Variants in PCYOX1L observed in about 807,000 individuals in gnomAD.
PCYOX1L encodes prenylcysteine oxidase 1 like.
In PCYOX1L, 40 loss-of-function variants were observed where a neutral mutation model predicts 44.1. That is an observed-to-expected ratio of 0.91 (90% CI 0.70 to 1.18). The LOEUF is 1.18. Ranked by LOEUF, PCYOX1L falls within the 50% of genes most tolerant of loss-of-function variation. PCYOX1L has a pLI of 0.00. For synonymous variants in PCYOX1L, 266 were observed against 282.8 expected (o/e 0.94, Z 0.60); for missense variants, 605 against 653.3 (o/e 0.93, Z 0.81).
Position 149,368,639 on chromosome 5 carries a change from C to T in PCYOX1L, c.1470C>T (p.Val490=), listed in dbSNP as rs768104531. ...ATCAAAAAGATTTGATGCACAAGGT[C>T]AAGACTGAACTGTGAGGGCTCTAGG... The part of the protein sequence containing the change: ...KIDQKDLMHK[V]KTEL Residue 490 remains valine (V), a synonymous_variant, in exon 6 of 6, where the codon GTC becomes GTT. Transcript: ENST00000274569. 2 of 1,515,300 alleles carry T rather than the reference C, an allele frequency of 1.3e-6. No homozygotes were observed. The highest frequency in any genetic ancestry group is 2.8e-5 in the African/African-American group (2 of 71,978). The allele number at this position is 1,515,300 out of a possible 1,614,324, so 93.9% of individuals were successfully genotyped here. A position where few individuals can be genotyped will look rare whatever the true frequency, so the allele number is the denominator to read the frequency against.
Position 149,362,668 on chromosome 5 carries a change from T to C in PCYOX1L, c.120T>C (p.Ala40=), listed in dbSNP as rs1466541590. The C allele has an allele frequency of 6.2e-7, 1 of 1,614,244 alleles. No homozygotes were observed. Among genetic ancestry groups the C allele is most frequent in the Non-Finnish European group, 8.5e-7 (1 of 1,180,050 alleles). Residue 40 remains alanine (A), a synonymous_variant, in exon 2 of 6, where the codon GCT becomes GCC. Coordinates refer to ENST00000274569, the MANE Select transcript of PCYOX1L (RefSeq NM_024028.4). ...AVVGAGIGGS[A]VAHFLQQHFG... is the part of the protein sequence containing the mutation. ...TTGGGGCTGGGATTGGGGGCTCTGCTGTGGCCCATTTTCTCCAGCAGCACT... is the reference window on the plus strand; with the variant it reads ...TTGGGGCTGGGATTGGGGGCTCTGCCGTGGCCCATTTTCTCCAGCAGCACT...
chr5:149,358,661 T>C (rs1757922396), intron 1 of PCYOX1L, among the ~76,000 whole-genome samples: 1 of 152,154 alleles, frequency 6.6e-6, no homozygotes, highest in Non-Finnish European at 1.5e-5. Flanking sequence ...GAGGGCTTCC[T>C]GGAAGTAACA....
chr5:149,367,547 TG>T (rs1222517044), intron 5 of PCYOX1L, 47 bp downstream of exon 5: 4 of 1,602,736 alleles, frequency 2.5e-6, no homozygotes, highest in Non-Finnish European at 3.4e-6. Context: ...TCCCAGCCAG[TG>T]GACAGACACT....
At position 149,369,405 on chromosome 5, in the gene PCYOX1L, T is replaced by C. The variant is rs1758347264; in HGVS notation, c.*751T>C. 1 of 152,124 alleles carries C rather than the reference T, an allele frequency of 6.6e-6. No homozygotes were observed. The highest frequency in any genetic ancestry group is 1.5e-5 in the Non-Finnish European group (1 of 68,014). 9.4% of individuals were successfully genotyped at this position (152,124 alleles called of 1,614,324 possible). A position where few individuals can be genotyped will look rare whatever the true frequency, so the allele number is the denominator to read the frequency against. On this transcript the variant is annotated 3_prime_UTR_variant, in exon 6 of 6. Coordinates refer to ENST00000274569, the MANE Select transcript of PCYOX1L (RefSeq NM_024028.4). Reference sequence around the variant, plus strand: ...AGCCATTCTCTTCCTTATGCAAAGATTGAGGAATGCAACAATATAAAGAAG... The same window carrying C: ...AGCCATTCTCTTCCTTATGCAAAGACTGAGGAATGCAACAATATAAAGAAG...
At chr5:149,367,275 G>GCCCAGTCGAATAGTACTGGACT in intron 4 of PCYOX1L, 85 bp from the exon 5 acceptor site, 1 of 1,472,626 alleles carries the variant, frequency 6.8e-7, no homozygotes, top group South Asian at 1.4e-5. Context: ...TGGCAGGGAG[G>GCCCAGTCGAATAGTACTGGACT]CCCAGTCGAA....
chr5:149,360,902 T>C (rs1045341420), intron 1 of PCYOX1L, among the ~76,000 whole-genome samples: 7 of 152,236 alleles, frequency 4.6e-5, no homozygotes, highest in African/African-American at 1.7e-4. Flanking sequence ...CTGTGACTTC[T>C]GGCAGGAACT....
intron 1 of PCYOX1L, among the ~76,000 whole-genome samples, chr5:149,359,183 ACT>A (rs1381400068): frequency 6.6e-6 from 1 of 151,854 alleles, no homozygotes. Context: ...GAGGACAAAG[ACT>A]CTATTCCGCT....
At chr5:149,364,338 G>A in intron 3 of PCYOX1L, 128 bp downstream of exon 3, 1 of 1,175,088 alleles carries the variant, frequency 8.5e-7, no homozygotes, top group South Asian at 1.5e-5. Context: ...ACAATTCAGT[G>A]CAGGCTCAGA....
Position 149,367,477 on chromosome 5 carries a change from C to G in PCYOX1L, c.800C>G (p.Thr267Ser). ...TKANVIHATV[T>S]SVTLHSTEGK... ...GCCAATGTGATCCATGCCACAGTGA[C>G]CTCTGTGACCCTGCACAGCACAGGT... The change falls in exon 5 of 6, where the codon ACC (threonine) becomes AGC (serine). Residue 267 changes from threonine (T) to serine (S), a missense_variant. Coordinates refer to ENST00000274569, the MANE Select transcript of PCYOX1L (RefSeq NM_024028.4). 6.2e-7 allele frequency: 1 copy of G among 1,613,904 alleles called. No individual in the cohort carries two copies. Among genetic ancestry groups the G allele is most frequent in the Non-Finnish European group, 8.5e-7 (1 of 1,179,898 alleles).
chr5:149,360,829 C>T (rs141774423), intron 1 of PCYOX1L, among the ~76,000 whole-genome samples: 2 of 152,288 alleles, frequency 1.3e-5, no homozygotes, highest in East Asian at 3.9e-4. Context: ...GAGGGTAAAG[C>T]AGGAAATGGA....
intron 1 of PCYOX1L, among the ~76,000 whole-genome samples, chr5:149,359,198 G>A (rs896273359): frequency 7.9e-5 from 12 of 152,134 alleles, no homozygotes; most frequent in Admixed American, 2.6e-4. Context: ...ATTCCGCTAG[G>A]CCACTCTCCA....
chr5:149,364,691 A>T (rs62378147), intron 3 of PCYOX1L: 1 of 154,482 alleles, frequency 6.5e-6, no homozygotes, highest in African/African-American at 2.4e-5. Flanking sequence ...GTTTTTCAAC[A>T]TTTGCAACCA....
chr5:149,368,840 TA>T lies in PCYOX1L; in HGVS notation c.*188del. 2.3e-6 allele frequency: 1 copy of T among 441,424 alleles called. No individual in the cohort carries two copies. Among genetic ancestry groups the T allele is most frequent in the Non-Finnish European group, 3.8e-6 (1 of 261,584 alleles). The allele number at this position is 441,424 out of a possible 1,614,324, so 27.3% of individuals were successfully genotyped here. ...CCACACGGCGGCTGCTGCTTTTTTT[TA>T]AGGGGGAAAGTAAGAAAAGAGAAGG... On this transcript the variant is annotated 3_prime_UTR_variant, in exon 6 of 6. Transcript: ENST00000274569.
intron 1 of PCYOX1L, among the ~76,000 whole-genome samples, chr5:149,359,712 G>A (rs1300273887): frequency 3.9e-5 from 6 of 152,186 alleles, no homozygotes; most frequent in Admixed American, 3.9e-4. Flanking sequence ...CTCCCAGCTG[G>A]CCCTTCTGGC....
In PCYOX1L at chr5:149,364,038, C is replaced by G. The variant is rs182656392; in HGVS notation, c.298C>G (p.Leu100Val). The G allele has an allele frequency of 3.5e-5, 56 of 1,613,794 alleles. No individual in the cohort carries two copies. In the Admixed American group the frequency reaches 7.0e-4, roughly 20 times the overall value. The change falls in exon 3 of 6, where the codon CTG (leucine) becomes GTG (valine). Residue 100 changes from leucine to valine, a missense_variant and splice_region_variant. Transcript: ENST00000274569. The part of the protein sequence containing the change: ...HMQDFVKLLG[L>V]RHRREVVGRS... ...GGGGCTCCTCTTTGTCTCTGCAGGG[C>G]TGAGGCACCGGCGCGAGGTGGTGGG...
intron 1 of PCYOX1L, among the ~76,000 whole-genome samples, chr5:149,360,887 A>T (rs949391659): frequency 6.6e-6 from 1 of 152,222 alleles, no homozygotes; most frequent in Non-Finnish European, 1.5e-5. Context: ...CTGTCTGAGG[A>T]TTGCCTGTGA....
rs922286276 is a variant in PCYOX1L, at chr5:149,368,094, A to G, written c.925A>G (p.Ser309Gly). 3 of 1,611,784 alleles carry G rather than the reference A, an allele frequency of 1.9e-6. No individual in the cohort carries two copies. Among genetic ancestry groups the G allele is most frequent in the East Asian group, 4.5e-5 (2 of 44,878 alleles). The change falls in exon 6 of 6, where the codon AGC (serine) becomes GGC (glycine). Residue 309 changes from serine to glycine, a missense_variant. Coordinates refer to ENST00000274569, the MANE Select transcript of PCYOX1L (RefSeq NM_024028.4). ...VIATPLHLDN[S>G]SSNLTFAGFH... ...CGCCACCCCCCTGCACCTGGACAAC[A>G]GCAGCAGCAACTTAACCTTTGCAGG... is the stretch of plus-strand genomic sequence containing the variant.
rs534606854 is a variant in PCYOX1L at position 149,359,442 on chromosome 5, T to C, written c.88+1286T>C. The stretch of plus-strand genomic sequence containing the variant: ...GAAGCCCTCATGGAGAAGGTGGAGT[T>C]TGAGCCAGGCATTGAAGGATGTGGA... On this transcript the variant is annotated intron_variant, in intron 1 of 5. Transcript: ENST00000274569. Among the ~76,000 whole-genome samples, 3 of 152,320 alleles carry C rather than the reference T, an allele frequency of 2.0e-5. No homozygotes were observed. The South Asian group carries it at 6.2e-4, about 32-fold the overall frequency.
intron 4 of PCYOX1L, 103 bp from the exon 5 acceptor site, chr5:149,367,257 T>A: frequency 7.1e-7 from 1 of 1,414,540 alleles, no homozygotes; most frequent in Non-Finnish European, 9.4e-7. Context: ...GTTGGGAGAG[T>A]TTTGCTCTGG....
Sources: gnomAD v4.1 joint callset for allele counts (sites outside exome capture counted in the v4.1 genomes callset) on GRCh38, gnomAD v4.1.1 for gene constraint, MANE v1.5 for transcripts, NCBI Gene and HGNC (gene_info 2026-07-23, HGNC 2026-07-21) for gene names.